PCDHA3: variants seen among roughly 807,000 people sequenced by gnomAD.
PCDHA3 encodes the protein protocadherin alpha 3, also known as protocadherin alpha-3.
Under a neutral mutation model 62.2 loss-of-function variants are expected in PCDHA3, and 41 were observed. The ratio of observed to expected loss-of-function variants is 0.66; its 90% CI spans 0.51 to 0.86. The LOEUF (loss-of-function observed/expected upper bound fraction) is 0.86, where lower values mean the gene tolerates loss of function less well. Ranked by LOEUF, PCDHA3 falls within the 40% of genes least tolerant of loss-of-function variation. The pLI, the probability that PCDHA3 is intolerant of heterozygous loss-of-function variation, is 0.00. For missense variants in PCDHA3, 1,304 were observed against 1,241.2 expected (o/e 1.05, Z -0.76); for synonymous variants, 640 against 555.4 (o/e 1.15, Z -2.14).
At chr5:140,842,432 C>T (rs2150336082) in intron 1 of PCDHA3, 2 of 1,613,656 alleles carry the variant, frequency 1.2e-6, no homozygotes, top group Non-Finnish European at 1.7e-6. Context: ...TGTCATCGCC[C>T]TAATTAGCGT....
At chr5:140,882,511 T>C (rs782672669) in intron 1 of PCDHA3, 2 of 1,614,128 alleles carry the variant, frequency 1.2e-6, no homozygotes, top group Admixed American at 3.3e-5. Flanking sequence ...ATCTGCAGAA[T>C]GGCATTTTGT....
At chr5:140,851,370 T>A in intron 1 of PCDHA3, 1 of 979,252 alleles carries the variant, frequency 1.0e-6, no homozygotes, top group Non-Finnish European at 1.2e-6. Flanking sequence ...AACATCTGAT[T>A]GTTCAGCAAC....
chr5:140,996,785 C>G (rs1423473534), intron 3 of PCDHA3, among the ~76,000 whole-genome samples: 2 of 152,148 alleles, frequency 1.3e-5, no homozygotes, highest in Admixed American at 6.5e-5. Context: ...TAGTGCCTCA[C>G]TCCCTACATC....
rs1164377412 is a variant in PCDHA3 at position 140,857,264 on chromosome 5, T to C, written c.2394+53673T>C. The stretch of plus-strand genomic sequence containing the variant: ...GTCCACCTACAAGAATTACTACTCA[T>C]TGGTGCTGGACAGCGCTCTGGACCG... On this transcript the variant is annotated intron_variant, in intron 1 of 3. Transcript: ENST00000522353. 5.0e-6 allele frequency: 8 copies of C among 1,598,636 alleles called. 1 individual carries two copies. The highest frequency in any genetic ancestry group is 2.2e-5 in the East Asian group (1 of 44,850).
intron 1 of PCDHA3, among the ~76,000 whole-genome samples, chr5:140,960,597 C>G (rs1315375637): frequency 1.3e-5 from 2 of 152,092 alleles, no homozygotes; most frequent in Non-Finnish European, 2.9e-5. Flanking sequence ...ATTCAAGGTA[C>G]TTCAACAATA....
intron 1 of PCDHA3, among the ~76,000 whole-genome samples, chr5:140,885,773 G>T (rs1419137937): frequency 6.6e-6 from 1 of 152,016 alleles, no homozygotes; most frequent in African/African-American, 2.4e-5. Flanking sequence ...TATAGTATTA[G>T]TGAATTTGAG....
intron 1 of PCDHA3, chr5:140,870,875 C>A (rs1235290760): frequency 6.2e-7 from 1 of 1,613,912 alleles, no homozygotes; most frequent in Non-Finnish European, 8.5e-7. Flanking sequence ...CACGTGGTGG[C>A]GAAGGTGCGC....
intron 1 of PCDHA3, chr5:140,825,249 A>G (rs1212475571): frequency 6.6e-5 from 10 of 151,408 alleles, no homozygotes; most frequent in African/African-American, 2.4e-4. Context: ...ATGGTGTTCC[A>G]TTGTGTAGGT....
intron 1 of PCDHA3, among the ~76,000 whole-genome samples, chr5:140,899,834 G>T (rs181729880): frequency 6.6e-6 from 1 of 152,198 alleles, no homozygotes; most frequent in Admixed American, 6.5e-5. Context: ...TTTGAGACAG[G>T]TCTTGCTGTG....
At chr5:140,911,299 T>A (rs1583781432) in intron 1 of PCDHA3, among the ~76,000 whole-genome samples, 1 of 152,154 alleles carries the variant, frequency 6.6e-6, no homozygotes, top group Non-Finnish European at 1.5e-5. Flanking sequence ...CTTTTACATA[T>A]CCCCATTCCA....
At chr5:140,828,538 TTC>T in intron 1 of PCDHA3, 1 of 1,614,218 alleles carries the variant, frequency 6.2e-7, no homozygotes, top group East Asian at 2.2e-5. Flanking sequence ...GGCTGCCAGA[TTC>T]TGTGTTTCCA....
chr5:140,879,806 T>C (rs2058125905), intron 1 of PCDHA3, among the ~76,000 whole-genome samples: 1 of 152,250 alleles, frequency 6.6e-6, no homozygotes, highest in Non-Finnish European at 1.5e-5. Context: ...CCAGTTTCTA[T>C]TGGCTGTTGG....
intron 1 of PCDHA3, among the ~76,000 whole-genome samples, chr5:140,939,247 T>C (rs1413301027): frequency 6.6e-6 from 1 of 152,246 alleles, no homozygotes; most frequent in South Asian, 2.1e-4. Context: ...GCAAGGTAGC[T>C]CTCTGGAACC....
At position 140,802,398 on chromosome 5, in the gene PCDHA3, T is replaced by A. The variant is rs781823322; in HGVS notation, c.1201T>A (p.Phe401Ile). 1.2e-6 allele frequency: 2 copies of A among 1,614,238 alleles called. No homozygotes were observed. ...CGTCCCCTTCAAGCTGGTGTCCACC[T>A]TCAAGAATTACTACTCATTGGTGCT... ...PHVPFKLVSTFKNYYSLVLDS... is the reference protein window; with the variant it reads ...PHVPFKLVSTIKNYYSLVLDS... The change falls in exon 1 of 4, where the codon TTC becomes ATC. Residue 401 changes from phenylalanine (F) to isoleucine (I), a missense_variant. By Grantham distance (21) the Phe-to-Ile change is conservative. Transcript: ENST00000522353.
chr5:140,981,981 A>G (rs2096960839), intron 2 of PCDHA3, among the ~76,000 whole-genome samples: 1 of 152,208 alleles, frequency 6.6e-6, no homozygotes, highest in Non-Finnish European at 1.5e-5. Flanking sequence ...GAAAGAGTAA[A>G]ATAGAAAATA....
At chr5:140,956,994 A>T (rs2095325479) in intron 1 of PCDHA3, among the ~76,000 whole-genome samples, 1 of 152,168 alleles carries the variant, frequency 6.6e-6, no homozygotes, top group Non-Finnish European at 1.5e-5. Flanking sequence ...AATTCAAGGA[A>T]GTGGTCTGAA....
In PCDHA3 at chr5:140,884,106, T is replaced by C; in HGVS notation, c.2394+80515T>C. 1 of 1,613,420 alleles carries C rather than the reference T, an allele frequency of 6.2e-7. No individual in the cohort carries two copies. The highest frequency in any genetic ancestry group is 8.5e-7 in the Non-Finnish European group (1 of 1,179,712). On this transcript the variant is annotated intron_variant, in intron 1 of 3. Transcript: ENST00000522353. ...GCGTGGCTTTCGTATGAATTGCAGC[T>C]GGCGGCGGTCGGCGCGCGCATCCCG...
At chr5:140,862,305 C>T (rs953461441) in intron 1 of PCDHA3, 3 of 278,650 alleles carry the variant, frequency 1.1e-5, no homozygotes, top group Non-Finnish European at 2.1e-5. Flanking sequence ...CCACTGGGTA[C>T]CGTCATAGCC....
chr5:140,825,432 T>C (rs1768574114), intron 1 of PCDHA3: 1 of 147,582 alleles, frequency 6.8e-6, no homozygotes, highest in Admixed American at 6.8e-5. Flanking sequence ...ATAATAAATA[T>C]ATAATAATAA....
Sources: gnomAD v4.1 joint callset for allele counts (sites outside exome capture counted in the v4.1 genomes callset) on GRCh38, gnomAD v4.1.1 for gene constraint, MANE v1.5 for transcripts, NCBI Gene and HGNC (gene_info 2026-07-23, HGNC 2026-07-21) for gene names.